Variants in CNTLN observed in about 807,000 individuals in gnomAD.
The protein encoded by CNTLN is centlein.
CNTLN carries 212 observed loss-of-function variants against 180.0 expected under a neutral mutation model. That is an observed-to-expected ratio of 1.18 (90% CI 1.05 to 1.32). CNTLN has a LOEUF of 1.32. Among genes scored for constraint, CNTLN ranks in the 40% most tolerant of loss-of-function variants. The pLI is 0.00. For missense variants in CNTLN, 2,095 were observed against 1,610.9 expected (o/e 1.30, Z -5.14); for synonymous variants, 722 against 563.1 (o/e 1.28, Z -3.99).
At chr9:17,520,353 G>A in the CNTLN span, among the ~76,000 whole-genome samples, 1 of 152,202 alleles carries the variant, frequency 6.6e-6, no homozygotes, top group East Asian at 1.9e-4. Flanking sequence ...TACTGGGAGC[G>A]TGGGGCTGAA....
At chr9:17,188,172 C>G (rs1821555998) in intron 2 of CNTLN, among the ~76,000 whole-genome samples, 1 of 151,708 alleles carries the variant, frequency 6.6e-6, no homozygotes, top group African/African-American at 2.4e-5. Context: ...AAAGAACTTG[C>G]TAGATTTTTA....
At position 17,263,156 on chromosome 9, in the gene CNTLN, A is replaced by T. The variant is rs938904706; in HGVS notation, c.850-10577A>T. On this transcript the variant is annotated intron_variant, in intron 5 of 25. Transcript: ENST00000380647. ...TGCTGCACCCATTAAGTCGTCATTT[A>T]GCATTAGGTATATCTCCTAATGCTA... is the stretch of plus-strand genomic sequence containing the variant. 1.2e-4 allele frequency among the ~76,000 whole-genome samples: 18 copies of T among 147,212 alleles called. 1 individual carries two copies. Among genetic ancestry groups the T allele is most frequent in the African/African-American group, 4.3e-4 (17 of 39,438 alleles).
At chr9:17,139,873 T>G (rs1817967569) in intron 1 of CNTLN, among the ~76,000 whole-genome samples, 1 of 151,912 alleles carries the variant, frequency 6.6e-6, no homozygotes. Context: ...CTAGGCTAAG[T>G]TTTGCATTTT....
chr9:17,526,653 A>C, the CNTLN span, among the ~76,000 whole-genome samples: 4 of 152,162 alleles, frequency 2.6e-5, no homozygotes, highest in Admixed American at 2.0e-4. Flanking sequence ...TTTGAAACCT[A>C]TTGCTTCTTT....
intron 18 of CNTLN, among the ~76,000 whole-genome samples, chr9:17,425,339 C>T (rs894386436): frequency 6.6e-6 from 1 of 152,074 alleles, no homozygotes; most frequent in Admixed American, 6.6e-5. Flanking sequence ...ATAAGAGACA[C>T]CCGATTCTAC....
intron 2 of CNTLN, among the ~76,000 whole-genome samples, chr9:17,202,646 G>GTTTTTTTGTTTTT (rs1554656178): frequency 4.2e-5 from 3 of 71,480 alleles, no homozygotes; most frequent in African/African-American, 1.6e-4. Context: ...TGCAACCTCT[G>GTTTTTTTGTTTTT]TTTTTTTTTT....
chr9:17,481,306 G>T (rs1832632897), intron 23 of CNTLN, among the ~76,000 whole-genome samples: 3 of 152,170 alleles, frequency 2.0e-5, no homozygotes, highest in Non-Finnish European at 1.5e-5. Flanking sequence ...ATGGAGTGCA[G>T]CCTTTAGCCC....
At chr9:17,299,823 C>A in intron 7 of CNTLN, 3 of 983,160 alleles carry the variant, frequency 3.1e-6, no homozygotes, top group Non-Finnish European at 3.6e-6. Flanking sequence ...TTGCTTGGAA[C>A]ATTTTTTTTC....
chr9:17,311,376 T>C (rs1162288549), intron 8 of CNTLN, among the ~76,000 whole-genome samples: 7 of 151,866 alleles, frequency 4.6e-5, no homozygotes, highest in African/African-American at 1.7e-4. Context: ...ATTGGTTTGG[T>C]ATTTCATTTA....
At chr9:17,210,974 G>T (rs1563884365) in intron 2 of CNTLN, among the ~76,000 whole-genome samples, 1 of 152,110 alleles carries the variant, frequency 6.6e-6, no homozygotes, top group South Asian at 2.1e-4. Flanking sequence ...CAGATGAGTA[G>T]GTTGCAAAAA....
intron 5 of CNTLN, among the ~76,000 whole-genome samples, chr9:17,242,536 C>T (rs999959851): frequency 6.6e-6 from 1 of 152,242 alleles, no homozygotes; most frequent in Non-Finnish European, 1.5e-5. Context: ...GTCTCGAACT[C>T]CTGACCTCAG....
intron 2 of CNTLN, chr9:17,168,706 C>T (rs1219648604): frequency 6.6e-6 from 1 of 152,134 alleles, no homozygotes; most frequent in Non-Finnish European, 1.5e-5. Context: ...TTATTAACCA[C>T]AGGTATCTAT....
chr9:17,296,514 G>A (rs761677365), intron 6 of CNTLN, among the ~76,000 whole-genome samples: 9 of 152,124 alleles, frequency 5.9e-5, no homozygotes, highest in Non-Finnish European at 1.3e-4. Context: ...TTTTCTAAAT[G>A]TGACATTTTT....
At chr9:17,293,517 G>C (rs1253861460) in intron 6 of CNTLN, among the ~76,000 whole-genome samples, 1 of 152,212 alleles carries the variant, frequency 6.6e-6, no homozygotes, top group Admixed American at 6.5e-5. Flanking sequence ...GAGGAGGGAT[G>C]GGTTAGGGTT....
intron 18 of CNTLN, among the ~76,000 whole-genome samples, chr9:17,424,839 G>A (rs373016057): frequency 4.1e-4 from 62 of 152,192 alleles, no homozygotes; most frequent in Admixed American, 8.5e-4. Context: ...TCATGACCTG[G>A]CAATAAGGCC....
At chr9:17,321,911 C>G (rs570276902) in intron 8 of CNTLN, among the ~76,000 whole-genome samples, 3 of 152,012 alleles carry the variant, frequency 2.0e-5, no homozygotes, top group African/African-American at 4.8e-5. Context: ...TGTACAGGAT[C>G]AAAATAACTT....
intron 7 of CNTLN, among the ~76,000 whole-genome samples, chr9:17,308,600 T>C (rs1433538803): frequency 2.0e-5 from 3 of 152,074 alleles, no homozygotes; most frequent in Non-Finnish European, 4.4e-5. Context: ...TTCTGTCCTT[T>C]CCTATCGTTG....
intron 7 of CNTLN, among the ~76,000 whole-genome samples, chr9:17,304,097 G>T (rs1219936276): frequency 1.3e-5 from 2 of 152,040 alleles, no homozygotes; most frequent in Non-Finnish European, 2.9e-5. Flanking sequence ...GAAAACAGTT[G>T]TCCCAGGTGG....
intron 2 of CNTLN, among the ~76,000 whole-genome samples, chr9:17,205,832 C>CT (rs901528439): frequency 3.3e-5 from 5 of 152,176 alleles, no homozygotes; most frequent in African/African-American, 1.2e-4. Context: ...TGGATCTCTG[C>CT]TTTTTCTTGA....
Sources: allele counts gnomAD v4.1 joint callset (sites outside exome capture counted in the v4.1 genomes callset), GRCh38; gene constraint gnomAD v4.1.1; transcripts MANE v1.5; gene names NCBI Gene and HGNC (gene_info 2026-07-23, HGNC 2026-07-21).